The following LARP6 variants were observed in gnomAD, a reference collection of about 807,000 sequenced individuals.
LARP6 encodes the protein La ribonucleoprotein 6, translational regulator.
In LARP6, 18 loss-of-function variants were observed where a neutral mutation model predicts 32.8. The observed-to-expected ratio is 0.55, with a 90% CI of 0.38 to 0.81. The LOEUF (loss-of-function observed/expected upper bound fraction) is 0.81. Among genes scored for constraint, LARP6 ranks in the 40% least tolerant of loss-of-function variants. The probability of loss-of-function intolerance (pLI) is 0.00; values close to 1 mark genes in which losing one functional copy is unlikely to be tolerated. For missense variants in LARP6, 598 were observed against 663.1 expected, an observed-to-expected ratio of 0.90 and a Z score of 1.08; for synonymous variants, 289 against 267.2, an observed-to-expected ratio of 1.08 and a Z score of -0.80.
intron 1 of LARP6, chr15:70,852,149 A>AG (rs761119128): frequency 1.1e-5 from 4 of 360,484 alleles, no homozygotes; most frequent in Non-Finnish European, 2.2e-5. Flanking sequence ...GGGTCCAAAC[A>AG]GGGGATAGTG....
intron 1 of LARP6, among the ~76,000 whole-genome samples, chr15:70,836,823 CG>C (rs1282229137): frequency 6.6e-6 from 1 of 152,110 alleles, no homozygotes; most frequent in East Asian, 1.9e-4. Flanking sequence ...CCACCAGAAG[CG>C]AGGAAAGATG....
At chr15:70,853,374 C>G (rs1015195508) in intron 1 of LARP6, 7 of 152,796 alleles carry the variant, frequency 4.6e-5, no homozygotes, top group African/African-American at 1.4e-4. Context: ...TGGAATCCCC[C>G]ATCAGCAAGT....
At chr15:70,833,258 T>G (rs747520382) in intron 2 of LARP6, 142 bp from the exon 3 acceptor site, 1 of 657,122 alleles carries the variant, frequency 1.5e-6, no homozygotes, top group Non-Finnish European at 2.6e-6. Flanking sequence ...ACGTGGTATG[T>G]GTAAACACTC....
Position 70,831,959 on chromosome 15 carries a change from G to A in LARP6, c.*93C>T, listed in dbSNP as rs1940012610. On this transcript the variant is annotated 3_prime_UTR_variant, in exon 3 of 3. Transcript: ENST00000299213. Reference sequence around the variant, plus strand: ...ACATGAATAAAAAATCTCTCAAAGGGGAACGAATTCCATTCTGTCATGCCA... The same window carrying A: ...ACATGAATAAAAAATCTCTCAAAGGAGAACGAATTCCATTCTGTCATGCCA... The A allele has an allele frequency of 1.2e-6, 1 of 844,660 alleles. No homozygotes were observed. Among genetic ancestry groups the A allele is most frequent in the Admixed American group, 2.7e-5 (1 of 37,574 alleles). 52.3% of individuals were successfully genotyped at this position (844,660 alleles called of 1,614,324 possible). A position where few individuals can be genotyped will look rare whatever the true frequency, so the allele number is the denominator to read the frequency against.
chr15:70,845,530 G>T (rs946994748), intron 1 of LARP6, among the ~76,000 whole-genome samples: 5 of 152,180 alleles, frequency 3.3e-5, no homozygotes, highest in Admixed American at 2.0e-4. Context: ...GATCACTGTG[G>T]ATGCTAACCT....
Position 70,832,165 on chromosome 15 carries a change from A to G in LARP6, c.1363T>C (p.Ser455Pro). ...CCATCTGCAGTCTGCATCTTCCGGGAGAGCAGGGGACTCGTACCGGGGCTT... is the reference window on the plus strand; with the variant it reads ...CCATCTGCAGTCTGCATCTTCCGGGGGAGCAGGGGACTCGTACCGGGGCTT... ...EKSPGTSPLL[S>P]RKMQTADGLP... Residue 455 changes from serine (S) to proline (P), a missense_variant, in exon 3 of 3, where the codon TCC becomes CCC. Coordinates refer to ENST00000299213, the MANE Select transcript of LARP6 (RefSeq NM_018357.4). The G allele has an allele frequency of 6.2e-7, 1 of 1,613,576 alleles. No individual in the cohort carries two copies.
chr15:70,841,580 C>A (rs1457704800), intron 1 of LARP6, among the ~76,000 whole-genome samples: 1 of 152,056 alleles, frequency 6.6e-6, no homozygotes, highest in Non-Finnish European at 1.5e-5. Context: ...ATCATGGGGT[C>A]GTTTCTCATG....
chr15:70,841,952 C>A (rs1015715760), intron 1 of LARP6, among the ~76,000 whole-genome samples: 1 of 152,256 alleles, frequency 6.6e-6, no homozygotes, highest in Admixed American at 6.5e-5. Context: ...CTATTGACCA[C>A]CTTCTTCTTG....
chr15:70,843,523 T>C (rs2032293154), intron 1 of LARP6, among the ~76,000 whole-genome samples: 1 of 152,186 alleles, frequency 6.6e-6, no homozygotes, highest in African/African-American at 2.4e-5. Context: ...TCATTCTCTA[T>C]TCATGTCTTA....
At chr15:70,843,805 G>A (rs578027565) in intron 1 of LARP6, among the ~76,000 whole-genome samples, 3 of 150,312 alleles carry the variant, frequency 2.0e-5, no homozygotes, top group South Asian at 2.1e-4. Context: ...ACAGGCGCAC[G>A]CTGCCACGCC....
Position 70,853,869 on chromosome 15 carries a change from G to A in LARP6, c.200+20C>T. On this transcript the variant is annotated intron_variant, in intron 1 of 2. Transcript: ENST00000299213. ...GGCGCCCCCTCGGGGCCCACCTCCCGGGCCAGCCGCCGCGCCTACCTGTGC... is the reference window on the plus strand; with the variant it reads ...GGCGCCCCCTCGGGGCCCACCTCCCAGGCCAGCCGCCGCGCCTACCTGTGC... The A allele has an allele frequency of 3.2e-6, 4 of 1,258,860 alleles. No individual in the cohort carries two copies. Among genetic ancestry groups the A allele is most frequent in the Non-Finnish European group, 4.0e-6 (4 of 1,002,720 alleles). The allele number at this position is 1,258,860 out of a possible 1,614,324, so 78.0% of individuals were successfully genotyped here.
intron 2 of LARP6, 70 bp from the exon 3 acceptor site, chr15:70,833,186 C>A: frequency 8.1e-7 from 1 of 1,231,370 alleles, no homozygotes; most frequent in Non-Finnish European, 1.2e-6. Context: ...GCTATAAGCT[C>A]CCTCCCTCAC....
chr15:70,831,233 T>C lies in LARP6; in HGVS notation c.*819A>G, dbSNP rs369573380. ...CCCTCAGTATACGCCAAGCTGCCTTTGCTCAGTAAAATTCCCTGTGATGAG... is the reference window on the plus strand; with the variant it reads ...CCCTCAGTATACGCCAAGCTGCCTTCGCTCAGTAAAATTCCCTGTGATGAG... On this transcript the variant is annotated 3_prime_UTR_variant, in exon 3 of 3. Transcript: ENST00000299213. 11 of 152,406 alleles carry C rather than the reference T, an allele frequency of 7.2e-5. No individual in the cohort carries two copies. The highest frequency in any genetic ancestry group is 2.6e-4 in the African/African-American group (11 of 41,574). The allele number at this position is 152,406 out of a possible 1,614,324, so 9.4% of individuals were successfully genotyped here. A position where few individuals can be genotyped will look rare whatever the true frequency, so the allele number is the denominator to read the frequency against.
intron 1 of LARP6, among the ~76,000 whole-genome samples, chr15:70,850,333 G>A (rs528975309): frequency 4.6e-5 from 7 of 152,300 alleles, no homozygotes; most frequent in Non-Finnish European, 8.8e-5. Context: ...CTTTGAAGAG[G>A]AGGGAATGCT....
At chr15:70,833,145 G>GT (rs1304986532) in intron 2 of LARP6, 29 bp from the exon 3 acceptor site, 1 of 1,577,816 alleles carries the variant, frequency 6.3e-7, no homozygotes, top group African/African-American at 1.3e-5. Flanking sequence ...ATCTGAAATA[G>GT]TATCTAATGT....
At position 70,832,332 on chromosome 15, in the gene LARP6, G is replaced by C. The variant is rs200378737; in HGVS notation, c.1196C>G (p.Ala399Gly). ...GCTGCAGTTCAGTCTACCTTCCTCC[G>C]CCAGTGGGGACTTTCTGGAAACGCC... is the stretch of plus-strand genomic sequence containing the variant. ...RKGVSRKSPLAEEGRLNCSTS... is the reference protein window; with the variant it reads ...RKGVSRKSPLGEEGRLNCSTS... Residue 399 changes from alanine (A) to glycine (G), a missense_variant, in exon 3 of 3, where the codon GCG becomes GGG. By Grantham distance (60) the Ala-to-Gly change is moderately conservative. This residue lies in a region of LARP6 where 368 missense variants were observed against 397.9 expected (regional missense o/e 0.92). Transcript: ENST00000299213. 2 of 1,614,084 alleles carry C rather than the reference G, an allele frequency of 1.2e-6. No individual in the cohort carries two copies. Among genetic ancestry groups the C allele is most frequent in the East Asian group, 4.5e-5 (2 of 44,890 alleles).
At chr15:70,838,022 A>G (rs1210490666) in intron 1 of LARP6, among the ~76,000 whole-genome samples, 1 of 152,212 alleles carries the variant, frequency 6.6e-6, no homozygotes, top group Non-Finnish European at 1.5e-5. Flanking sequence ...GGGTAATCTC[A>G]TGCAATATTT....
chr15:70,836,575 G>T, intron 1 of LARP6, 70 bp from the exon 2 acceptor site: 3 of 1,282,188 alleles, frequency 2.3e-6, no homozygotes, highest in Non-Finnish European at 3.4e-6. Flanking sequence ...TTCATATGCT[G>T]AAGTCCTGAC....
chr15:70,841,000 G>A (rs2032245665), intron 1 of LARP6, among the ~76,000 whole-genome samples: 1 of 148,230 alleles, frequency 6.7e-6, no homozygotes. Flanking sequence ...TGCAAGCTCC[G>A]CCTCCTGGGT....
Sources: allele counts gnomAD v4.1 joint callset (sites outside exome capture counted in the v4.1 genomes callset), GRCh38; gene constraint gnomAD v4.1.1; regional missense constraint gnomAD v4.1.1; transcripts MANE v1.5; gene names NCBI Gene and HGNC (gene_info 2026-07-23, HGNC 2026-07-21).